The following ESR1 variants were observed in gnomAD, a reference collection of about 807,000 sequenced individuals.
The protein encoded by ESR1 is estrogen receptor 1.
A neutral mutation model predicts 52.7 loss-of-function variants in ESR1; 12 were observed. The observed-to-expected ratio is 0.23, with a 90% CI of 0.15 to 0.37. ESR1 has a LOEUF of 0.37. Among genes scored for constraint, ESR1 ranks in the 10% least tolerant of loss-of-function variants. The pLI, the probability that ESR1 is intolerant of heterozygous loss-of-function variation, is 1.00. For missense variants in ESR1, 584 were observed against 779.7 expected, an observed-to-expected ratio of 0.75 and a Z score of 2.99; for synonymous variants, 305 against 316.8, an observed-to-expected ratio of 0.96 and a Z score of 0.39.
intron 1 of ESR1, among the ~76,000 whole-genome samples, chr6:151,822,533 T>C (rs1780734057): frequency 1.3e-5 from 2 of 152,182 alleles, no homozygotes; most frequent in Non-Finnish European, 2.9e-5. Context: ...ATGGTAACTT[T>C]TTCTAAGTCA....
downstream of ESR1, among the ~76,000 whole-genome samples, chr6:152,105,808 T>A (rs2051059257): frequency 8.9e-6 from 1 of 112,192 alleles, no homozygotes; most frequent in South Asian, 3.0e-4. Context: ...TGAGACGGAG[T>A]CTCGCTCTGT....
intron 2 of ESR1, among the ~76,000 whole-genome samples, chr6:151,758,813 G>A (rs921330836): frequency 6.6e-6 from 1 of 151,414 alleles, no homozygotes; most frequent in Non-Finnish European, 1.5e-5. Context: ...AGGACAGGCA[G>A]TGACTCACCC....
Position 151,658,995 on chromosome 6 carries a change from A to T in ESR1, n.73+2232A>T, listed in dbSNP as rs1191529950. Among the ~76,000 whole-genome samples the T allele has an allele frequency of 5.3e-5, 8 of 152,274 alleles. No homozygotes were observed. The South Asian group carries it at 1.7e-3, about 32-fold the overall frequency. Reference sequence around the variant, plus strand: ...GGAAGCTCGGGGAGCCTAAACCAAGATATGCTAAGGCAAGTTTTTTTGCTC... The same window carrying T: ...GGAAGCTCGGGGAGCCTAAACCAAGTTATGCTAAGGCAAGTTTTTTTGCTC... On this transcript the variant is annotated intron_variant and non_coding_transcript_variant, in intron 1 of 2. Coordinates refer to the ESR1 transcript ENST00000473497.
intron 2 of ESR1, among the ~76,000 whole-genome samples, chr6:151,730,719 G>A (rs2982565): frequency 0.12 from 18,990 of 152,170 alleles, 1,577 homozygotes; most frequent in Non-Finnish European, 0.18. Context: ...ACATCACTAG[G>A]AACTAGACTG....
chr6:152,107,988 A>C (rs2051086107), downstream of ESR1, among the ~76,000 whole-genome samples: 1 of 152,066 alleles, frequency 6.6e-6, no homozygotes, highest in African/African-American at 2.4e-5. Context: ...CCACCGATGG[A>C]TCTGTATGTG....
At chr6:152,031,959 A>C (rs1001350043) in intron 5 of ESR1, among the ~76,000 whole-genome samples, 1 of 152,248 alleles carries the variant, frequency 6.6e-6, no homozygotes, top group African/African-American at 2.4e-5. Flanking sequence ...AGTGGGCTTC[A>C]TCCCTGGGAT....
At chr6:152,118,305 A>G (rs1045273889) in intron 6 of ESR1, 19 of 152,186 alleles carry the variant, frequency 1.2e-4, no homozygotes, top group African/African-American at 4.3e-4. Flanking sequence ...CTCTATGTCA[A>G]AGGCCCACTG....
intron 6 of ESR1, among the ~76,000 whole-genome samples, chr6:152,067,822 C>G (rs568414915): frequency 1.3e-5 from 2 of 152,220 alleles, no homozygotes; most frequent in South Asian, 4.2e-4. Flanking sequence ...AGCAAAACTC[C>G]ATCTCAAAAA....
At chr6:152,018,872 C>G (rs1019006687) in intron 5 of ESR1, among the ~76,000 whole-genome samples, 1 of 151,748 alleles carries the variant, frequency 6.6e-6, no homozygotes, top group Non-Finnish European at 1.5e-5. Context: ...TACTTAACTG[C>G]TTTAATGTAT....
chr6:151,949,521 G>A (rs1217695728), intron 4 of ESR1, among the ~76,000 whole-genome samples: 1 of 152,214 alleles, frequency 6.6e-6, no homozygotes, highest in East Asian at 1.9e-4. Flanking sequence ...GTGACATCCT[G>A]GAGAGATGAC....
chr6:151,931,994 T>C (rs1037208188), intron 3 of ESR1, among the ~76,000 whole-genome samples: 9 of 149,456 alleles, frequency 6.0e-5, no homozygotes, highest in Non-Finnish European at 8.9e-5. Context: ...GGTCAAATGG[T>C]ATTTCTAGTT....
intron 1 of ESR1, among the ~76,000 whole-genome samples, chr6:151,691,314 C>T (rs1172851706): frequency 2.0e-5 from 3 of 152,260 alleles, no homozygotes; most frequent in Admixed American, 1.3e-4. Flanking sequence ...CATAATGACT[C>T]CACCACATAT....
At chr6:151,958,986 G>T (rs1345698781) in intron 4 of ESR1, among the ~76,000 whole-genome samples, 2 of 152,024 alleles carry the variant, frequency 1.3e-5, no homozygotes, top group Non-Finnish European at 2.9e-5. Flanking sequence ...GTGTGTGTGT[G>T]TGTGTGTGCG....
At chr6:151,660,758 A>G (rs1406830131) in intron 1 of ESR1, among the ~76,000 whole-genome samples, 1 of 152,232 alleles carries the variant, frequency 6.6e-6, no homozygotes, top group Non-Finnish European at 1.5e-5. Context: ...ATTTATAAAT[A>G]GAAAGAAAGA....
intron 2 of ESR1, among the ~76,000 whole-genome samples, chr6:151,752,546 T>C (rs1279193035): frequency 6.6e-6 from 1 of 151,774 alleles, no homozygotes; most frequent in African/African-American, 2.4e-5. Context: ...CTGCAAAGTG[T>C]TTTCACCAGA....
chr6:152,085,110 C>A (rs2049590719), intron 6 of ESR1, among the ~76,000 whole-genome samples: 1 of 152,126 alleles, frequency 6.6e-6, no homozygotes. Flanking sequence ...TCTTCCTCTT[C>A]TGGATCGCTT....
At chr6:152,054,210 T>A (rs532393631) in intron 5 of ESR1, among the ~76,000 whole-genome samples, 4 of 152,238 alleles carry the variant, frequency 2.6e-5, no homozygotes, top group African/African-American at 9.6e-5. Flanking sequence ...TAAGGGAAGA[T>A]ATTTTCTTCC....
chr6:151,898,589 G>C (rs1382213732), intron 3 of ESR1, among the ~76,000 whole-genome samples: 1 of 151,872 alleles, frequency 6.6e-6, no homozygotes, highest in Non-Finnish European at 1.5e-5. Flanking sequence ...AGATTAGGGA[G>C]TGGTGATGAC....
intron 3 of ESR1, among the ~76,000 whole-genome samples, chr6:151,913,565 G>T (rs1372215397): frequency 6.6e-6 from 1 of 152,122 alleles, no homozygotes; most frequent in Non-Finnish European, 1.5e-5. Context: ...GCCAGTTATT[G>T]TATTTCATAA....
Sources: allele counts gnomAD v4.1 joint callset (sites outside exome capture counted in the v4.1 genomes callset), GRCh38; gene constraint gnomAD v4.1.1; transcripts MANE v1.5; gene names NCBI Gene and HGNC (gene_info 2026-07-23, HGNC 2026-07-21).